FTCDNL1: variants seen among roughly 807,000 people sequenced by gnomAD.
FTCDNL1 encodes the protein formiminotransferase N-terminal subdomain-containing protein.
FTCDNL1 carries 11 observed loss-of-function variants against 5.9 expected under a neutral mutation model. The ratio of observed to expected loss-of-function variants is 1.87; its 90% CI spans 1.18 to 3.10. The LOEUF is 3.10. FTCDNL1 is among the 30% of genes most tolerant of loss of function. The pLI, the probability that FTCDNL1 is intolerant of heterozygous loss-of-function variation, is 0.00. For missense variants in FTCDNL1, 115 were observed against 65.5 expected (o/e 1.76, Z -2.61); for synonymous variants, 58 against 24.8 (o/e 2.34, Z -3.99).
the FTCDNL1 span, among the ~76,000 whole-genome samples, chr2:199,667,267 T>C: frequency 2.0e-5 from 3 of 152,222 alleles, no homozygotes; most frequent in Non-Finnish European, 4.4e-5. Flanking sequence ...TATAGCACCT[T>C]TCTTTGAAAG....
At chr2:199,720,730 T>C in the FTCDNL1 span, among the ~76,000 whole-genome samples, 2 of 152,190 alleles carry the variant, frequency 1.3e-5, no homozygotes, top group African/African-American at 2.4e-5. Context: ...CCTAACTTAA[T>C]TACATCTGCA....
At chr2:199,748,285 A>G in the FTCDNL1 span, among the ~76,000 whole-genome samples, 1 of 152,228 alleles carries the variant, frequency 6.6e-6, no homozygotes, top group East Asian at 1.9e-4. Context: ...GTCATCTCCC[A>G]TATTCATATA....
chr2:199,700,002 C>T, the FTCDNL1 span, among the ~76,000 whole-genome samples: 28 of 102,000 alleles, frequency 2.7e-4, 1 homozygote, highest in South Asian at 0.012. Flanking sequence ...GACAAGGATG[C>T]CCTCTCTCAC....
the FTCDNL1 span, among the ~76,000 whole-genome samples, chr2:199,687,584 G>T: frequency 6.6e-6 from 1 of 152,136 alleles, no homozygotes; most frequent in Non-Finnish European, 1.5e-5. Context: ...CTTTGCACCT[G>T]GAGGTAGAAG....
At chr2:199,850,253 C>T (rs1161842418) in intron 1 of FTCDNL1, among the ~76,000 whole-genome samples, 1 of 152,160 alleles carries the variant, frequency 6.6e-6, no homozygotes, top group Non-Finnish European at 1.5e-5. Flanking sequence ...ACCCAGACCT[C>T]TCGTTTCTAT....
At chr2:199,848,123 G>A (rs950348928) in intron 2 of FTCDNL1, among the ~76,000 whole-genome samples, 1 of 152,222 alleles carries the variant, frequency 6.6e-6, no homozygotes, top group Non-Finnish European at 1.5e-5. Context: ...TGTATACACT[G>A]TTGTGTGTAT....
At chr2:199,820,917 C>T (rs1701642252) in intron 3 of FTCDNL1, among the ~76,000 whole-genome samples, 3 of 152,192 alleles carry the variant, frequency 2.0e-5, no homozygotes, top group African/African-American at 7.2e-5. Flanking sequence ...GGAGTGCAGG[C>T]CTTCTTTATT....
At chr2:199,792,504 G>T (rs1308074835) in intron 3 of FTCDNL1, among the ~76,000 whole-genome samples, 1 of 152,096 alleles carries the variant, frequency 6.6e-6, no homozygotes, top group Admixed American at 6.5e-5. Flanking sequence ...CTCCCTGCTT[G>T]GTTGTGAGCA....
At chr2:199,742,548 T>C in the FTCDNL1 span, among the ~76,000 whole-genome samples, 2 of 152,250 alleles carry the variant, frequency 1.3e-5, no homozygotes, top group African/African-American at 4.8e-5. Context: ...ATACTACTAC[T>C]AATAGCTCAT....
At chr2:199,694,156 G>C in the FTCDNL1 span, among the ~76,000 whole-genome samples, 3 of 152,312 alleles carry the variant, frequency 2.0e-5, no homozygotes, top group African/African-American at 7.2e-5. Flanking sequence ...AGCAGTCTTA[G>C]GAAAGCTCAG....
the FTCDNL1 span, among the ~76,000 whole-genome samples, chr2:199,728,065 C>A: frequency 2.0e-5 from 3 of 152,110 alleles, no homozygotes; most frequent in East Asian, 5.8e-4. Flanking sequence ...TCTTATTAAC[C>A]GATTTAAACT....
the FTCDNL1 span, among the ~76,000 whole-genome samples, chr2:199,750,367 A>C: frequency 6.6e-6 from 1 of 151,640 alleles, no homozygotes; most frequent in Non-Finnish European, 1.5e-5. Flanking sequence ...AAATAAATAA[A>C]TAAATAAATA....
intron 3 of FTCDNL1, among the ~76,000 whole-genome samples, chr2:199,825,538 G>A (rs1701978064): frequency 6.6e-6 from 1 of 152,226 alleles, no homozygotes; most frequent in Non-Finnish European, 1.5e-5. Flanking sequence ...TTAAGTCATA[G>A]TAGCAGATCC....
the FTCDNL1 span, among the ~76,000 whole-genome samples, chr2:199,710,539 T>C: frequency 6.6e-6 from 1 of 152,280 alleles, no homozygotes; most frequent in East Asian, 1.9e-4. Flanking sequence ...AGCGACTTTA[T>C]AGAACATAAT....
chr2:199,765,009 G>A (rs1559168544), intron 3 of FTCDNL1, among the ~76,000 whole-genome samples: 1 of 152,068 alleles, frequency 6.6e-6, no homozygotes, highest in Non-Finnish European at 1.5e-5. Context: ...CCACAACTAG[G>A]ACCTGAGTAT....
intron 3 of FTCDNL1, among the ~76,000 whole-genome samples, chr2:199,825,839 T>C (rs745389959): frequency 6.6e-6 from 1 of 152,154 alleles, no homozygotes; most frequent in Non-Finnish European, 1.5e-5. Context: ...GCAATGCAAA[T>C]GGACTAACAC....
chr2:199,752,774 GTGTGTGTA>G, the FTCDNL1 span, among the ~76,000 whole-genome samples: 21,073 of 104,438 alleles, frequency 0.2, 1,805 homozygotes, highest in South Asian at 0.33. Flanking sequence ...GTGTGTGTGT[GTGTGTGTA>G]TGTGTGTGTG....
intron 3 of FTCDNL1, among the ~76,000 whole-genome samples, chr2:199,839,469 T>G (rs1450499250): frequency 1.3e-5 from 2 of 152,152 alleles, no homozygotes; most frequent in African/African-American, 2.4e-5. Context: ...GTAAAAGAGT[T>G]CTAATCTCCA....
the FTCDNL1 span, among the ~76,000 whole-genome samples, chr2:199,667,476 A>AAAACAAAC: frequency 3.9e-4 from 59 of 150,078 alleles, no homozygotes; most frequent in African/African-American, 6.1e-4. Flanking sequence ...GTCTCTACAA[A>AAAACAAAC]AAACAAACAA....
Sources: gnomAD v4.1 joint callset for allele counts (sites outside exome capture counted in the v4.1 genomes callset) on GRCh38, gnomAD v4.1.1 for gene constraint, MANE v1.5 for transcripts, NCBI Gene and HGNC (gene_info 2026-07-23, HGNC 2026-07-21) for gene names.